UNC13C: variants seen among roughly 807,000 people sequenced by gnomAD.
The protein encoded by UNC13C is protein unc-13 homolog C.
UNC13C carries 174 observed loss-of-function variants against 245.4 expected under a neutral mutation model. The ratio of observed to expected loss-of-function variants is 0.71; its 90% CI spans 0.63 to 0.80. The LOEUF is 0.80. Among genes scored for constraint, UNC13C ranks in the 30% least tolerant of loss-of-function variants. The pLI, the probability that UNC13C is intolerant of heterozygous loss-of-function variation, is 0.00. For missense variants in UNC13C, 2,829 were observed against 2,602.9 expected (o/e 1.09, Z -1.89); for synonymous variants, 992 against 895.1 (o/e 1.11, Z -1.93).
At chr15:54,303,129 A>G (rs1280102568) in intron 13 of UNC13C, among the ~76,000 whole-genome samples, 1 of 152,196 alleles carries the variant, frequency 6.6e-6, no homozygotes, top group Non-Finnish European at 1.5e-5. Flanking sequence ...ACTAATGGTC[A>G]TCATCCCTTG....
In UNC13C at chr15:54,333,834, G is replaced by C. The variant is rs1302003965; in HGVS notation, c.4562G>C (p.Ser1521Thr). 1 of 1,604,282 alleles carries C rather than the reference G, an allele frequency of 6.2e-7. No homozygotes were observed. The highest frequency in any genetic ancestry group is 8.5e-7 in the Non-Finnish European group (1 of 1,174,728). Residue 1521 changes from serine (S) to threonine (T), a missense_variant, in exon 16 of 33, where the codon AGT (serine) becomes ACT (threonine). Coordinates refer to ENST00000260323, the MANE Select transcript of UNC13C (RefSeq NM_001080534.3). ...AAATCAACTGTTGACCTGTTAACAA[G>C]TATCACCTTTTTTAGGATGAAGGTA... ...DLKSTVDLLT[S>T]ITFFRMKVLE... is the part of the protein sequence containing the mutation.
At chr15:54,158,910 G>A (rs572507588) in intron 4 of UNC13C, among the ~76,000 whole-genome samples, 3 of 152,188 alleles carry the variant, frequency 2.0e-5, no homozygotes, top group South Asian at 2.1e-4. Flanking sequence ...GCCTGGCCCC[G>A]AAGTGCTGGG....
intron 2 of UNC13C, among the ~76,000 whole-genome samples, chr15:54,065,470 T>G (rs1898033489): frequency 6.6e-6 from 1 of 152,370 alleles, no homozygotes; most frequent in East Asian, 1.9e-4. Flanking sequence ...GCCTGAGCCC[T>G]TTCTTTGATA....
At chr15:53,894,941 C>A in the UNC13C span, among the ~76,000 whole-genome samples, 3 of 151,980 alleles carry the variant, frequency 2.0e-5, no homozygotes, top group Non-Finnish European at 4.4e-5. Context: ...ACAATTTGTT[C>A]CACATAGTAT....
chr15:54,349,862 T>C (rs778600941), intron 17 of UNC13C, among the ~76,000 whole-genome samples: 14 of 152,306 alleles, frequency 9.2e-5, no homozygotes, highest in Non-Finnish European at 1.6e-4. Context: ...GTACATATCA[T>C]GGAATATTGT....
the UNC13C span, among the ~76,000 whole-genome samples, chr15:53,939,812 C>CGAGA: frequency 1.5e-4 from 22 of 150,364 alleles, no homozygotes; most frequent in African/African-American, 3.7e-4. Context: ...AGAGAAAGGA[C>CGAGA]GAGAGAGAGA....
intron 1 of UNC13C, among the ~76,000 whole-genome samples, chr15:53,980,808 C>T (rs1893896337): frequency 6.6e-6 from 1 of 152,138 alleles, no homozygotes. Flanking sequence ...AATCACTTTT[C>T]ATGGGCTTAT....
intron 2 of UNC13C, among the ~76,000 whole-genome samples, chr15:54,100,937 A>C (rs1327379381): frequency 2.6e-5 from 4 of 152,148 alleles, no homozygotes; most frequent in Non-Finnish European, 5.9e-5. Context: ...GGTATAATAT[A>C]TAATACACAT....
chr15:53,949,240 A>T, the UNC13C span, among the ~76,000 whole-genome samples: 2 of 152,184 alleles, frequency 1.3e-5, no homozygotes, highest in Non-Finnish European at 2.9e-5. Flanking sequence ...CACTGACCTT[A>T]TTTAGATAAA....
intron 4 of UNC13C, among the ~76,000 whole-genome samples, chr15:54,157,356 G>C (rs28547261): frequency 0.29 from 43,650 of 152,066 alleles, 6,506 homozygotes; most frequent in African/African-American, 0.35. Context: ...TGCTCCATTT[G>C]AAAACTGTGG....
the UNC13C span, among the ~76,000 whole-genome samples, chr15:53,858,371 G>T: frequency 4.0e-5 from 6 of 150,374 alleles, no homozygotes; most frequent in African/African-American, 1.5e-4. Flanking sequence ...TTACAGTTGT[G>T]TATTCATTAT....
chr15:54,360,231 G>T (rs1372000397), intron 17 of UNC13C, among the ~76,000 whole-genome samples: 2 of 151,894 alleles, frequency 1.3e-5, no homozygotes, highest in Non-Finnish European at 1.5e-5. Flanking sequence ...CATATGATTT[G>T]TACTGGAGAA....
At chr15:54,154,532 T>C (rs921207478) in intron 4 of UNC13C, among the ~76,000 whole-genome samples, 2 of 152,190 alleles carry the variant, frequency 1.3e-5, no homozygotes, top group Admixed American at 1.3e-4. Flanking sequence ...TAGGTTATGA[T>C]ACAGTAATTA....
the UNC13C span, among the ~76,000 whole-genome samples, chr15:53,962,464 A>G: frequency 7.9e-5 from 12 of 152,150 alleles, no homozygotes; most frequent in East Asian, 2.1e-3. Flanking sequence ...TTTTATTTTC[A>G]TGTGTGAGTA....
At chr15:54,234,261 G>A (rs1407344471) in intron 4 of UNC13C, among the ~76,000 whole-genome samples, 2 of 136,718 alleles carry the variant, frequency 1.5e-5, no homozygotes, top group African/African-American at 5.5e-5. Context: ...TATATATATG[G>A]GAGTGTACTA....
intron 2 of UNC13C, among the ~76,000 whole-genome samples, chr15:54,103,972 T>G (rs201512447): frequency 3.5e-5 from 2 of 56,768 alleles, no homozygotes; most frequent in African/African-American, 8.4e-5. Context: ...CTCAATCTCT[T>G]GACCTCGTGA....
At chr15:54,035,102 C>T (rs999040326) in intron 2 of UNC13C, among the ~76,000 whole-genome samples, 9 of 151,980 alleles carry the variant, frequency 5.9e-5, no homozygotes, top group Non-Finnish European at 8.8e-5. Flanking sequence ...TTCAGATATA[C>T]ATTTATAGGG....
intron 2 of UNC13C, among the ~76,000 whole-genome samples, chr15:54,038,116 A>ATTTTTT (rs1315947594): frequency 1.1e-3 from 25 of 22,576 alleles, no homozygotes; most frequent in Admixed American, 3.4e-3. Flanking sequence ...ATATATATAT[A>ATTTTTT]TATATATATT....
chr15:54,214,225 T>C (rs1422712913), intron 4 of UNC13C, among the ~76,000 whole-genome samples: 2 of 151,964 alleles, frequency 1.3e-5, no homozygotes, highest in Admixed American at 6.6e-5. Context: ...AGCTTGGCTC[T>C]AGTTGTCTGT....
Sources: allele counts gnomAD v4.1 joint callset (sites outside exome capture counted in the v4.1 genomes callset), GRCh38; gene constraint gnomAD v4.1.1; transcripts MANE v1.5; gene names NCBI Gene and HGNC (gene_info 2026-07-23, HGNC 2026-07-21).